Variants in HHLA1 observed in about 807,000 individuals in gnomAD.
HHLA1 encodes HERV-H LTR-associating protein 1.
Under a neutral mutation model 69.9 loss-of-function variants are expected in HHLA1, and 72 were observed. The ratio of observed to expected loss-of-function variants is 1.03; its 90% CI spans 0.85 to 1.25. The LOEUF (loss-of-function observed/expected upper bound fraction) is 1.25, where lower values mean the gene tolerates loss of function less well. Ranked by LOEUF, HHLA1 falls within the 50% of genes most tolerant of loss-of-function variation. HHLA1 has a pLI of 0.00. For synonymous variants in HHLA1, 252 were observed against 233.2 expected, an observed-to-expected ratio of 1.08 and a Z score of -0.73; for missense variants, 685 against 642.2, an observed-to-expected ratio of 1.07 and a Z score of -0.72.
intron 10 of HHLA1, among the ~76,000 whole-genome samples, chr8:132,085,039 T>C (rs951225485): frequency 2.7e-5 from 4 of 150,094 alleles, no homozygotes; most frequent in Non-Finnish European, 4.4e-5. Flanking sequence ...AGAGAAGGGG[T>C]AGAGACAAGG....
chr8:132,089,081 A>G (rs1313323326), intron 8 of HHLA1, among the ~76,000 whole-genome samples: 2 of 152,204 alleles, frequency 1.3e-5, no homozygotes, highest in East Asian at 3.8e-4. Flanking sequence ...ACATGAAACC[A>G]CCTTATAAAT....
intron 1 of HHLA1, among the ~76,000 whole-genome samples, chr8:132,107,787 G>A (rs1232205309): frequency 6.6e-6 from 1 of 152,124 alleles, no homozygotes; most frequent in Non-Finnish European, 1.5e-5. Context: ...TGAGATAACA[G>A]TGAATAATAT....
rs374889625 is a variant in HHLA1 at position 132,092,031 on chromosome 8, A to G, written c.449-2432T>C. Among the ~76,000 whole-genome samples the G allele has an allele frequency of 4.6e-5, 7 of 152,242 alleles. No homozygotes were observed. The East Asian group carries it at 7.7e-4, about 17-fold the overall frequency. ...AGACAAATTAAATAAATCATGGTAC[A>G]TTCTTTCAATGAATACTAAGAATTC... On this transcript the variant is annotated intron_variant, in intron 7 of 16. Transcript: ENST00000414222.
intron 5 of HHLA1, among the ~76,000 whole-genome samples, chr8:132,096,952 G>A (rs1230305874): frequency 1.3e-5 from 2 of 152,094 alleles, no homozygotes; most frequent in Non-Finnish European, 2.9e-5. Context: ...TGGGATTATA[G>A]GCATGACCCA....
At chr8:132,071,627 C>A in intron 14 of HHLA1, 134 bp from the exon 15 acceptor site, 1 of 730,072 alleles carries the variant, frequency 1.4e-6, no homozygotes, top group South Asian at 2.0e-5. Flanking sequence ...GTAAACATAG[C>A]ATTCCTCACC....
rs185041793 is a variant in HHLA1, at chr8:132,077,632, G to A, written c.1171+94C>T. ...TATGTTTTCTTAGTTTTCTGTGTGT[G>A]TATTATATTCCAAAAATTTAGAAAG... On this transcript the variant is annotated intron_variant, in intron 12 of 16. Coordinates refer to ENST00000414222, the MANE Select transcript of HHLA1 (RefSeq NM_001145095.3). 8.7e-6 allele frequency: 11 copies of A among 1,263,884 alleles called. No homozygotes were observed. The Admixed American group carries it at 2.3e-4, about 26-fold the overall frequency. 78.3% of individuals were successfully genotyped at this position (1,263,884 alleles called of 1,614,324 possible).
intron 12 of HHLA1, 114 bp downstream of exon 12, chr8:132,077,610 GTT>G (rs1823666359): frequency 9.7e-7 from 1 of 1,029,784 alleles, no homozygotes; most frequent in Admixed American, 2.6e-5. Context: ...TGATCATTAT[GTT>G]TTCTTAGTTT....
At chr8:132,092,115 T>C (rs1245842971) in intron 7 of HHLA1, among the ~76,000 whole-genome samples, 1 of 152,122 alleles carries the variant, frequency 6.6e-6, no homozygotes, top group Non-Finnish European at 1.5e-5. Flanking sequence ...TTAAGACATA[T>C]GGGTTAGTTT....
intron 3 of HHLA1, among the ~76,000 whole-genome samples, chr8:132,103,489 C>T (rs574428449): frequency 2.0e-5 from 3 of 152,016 alleles, no homozygotes; most frequent in Non-Finnish European, 4.4e-5. Context: ...TGTGGTGGTA[C>T]ATGCCTGTGG....
In HHLA1 at chr8:132,089,606, G is replaced by A; in HGVS notation, c.449-7C>T. 7.3e-7 allele frequency: 1 copy of A among 1,361,256 alleles called. No individual in the cohort carries two copies. The highest frequency in any genetic ancestry group is 2.5e-5 in the East Asian group (1 of 40,206). The allele number at this position is 1,361,256 out of a possible 1,614,324, so 84.3% of individuals were successfully genotyped here. ...ACCAGTAGAGCTGTAAAATCTGCAAGACAAATTTAGGAGGTTTAAATTTCT... is the reference window on the plus strand; with the variant it reads ...ACCAGTAGAGCTGTAAAATCTGCAAAACAAATTTAGGAGGTTTAAATTTCT... On this transcript the variant is annotated splice_region_variant and splice_polypyrimidine_tract_variant and intron_variant, in intron 7 of 16. Transcript: ENST00000414222.
At chr8:132,108,359 C>T (rs760207227) in intron 1 of HHLA1, among the ~76,000 whole-genome samples, 2 of 152,148 alleles carry the variant, frequency 1.3e-5, no homozygotes, top group Non-Finnish European at 2.9e-5. Flanking sequence ...GATGTTGGTA[C>T]TCCAATAGTA....
At chr8:132,101,461 G>T (rs1021494152) in intron 3 of HHLA1, among the ~76,000 whole-genome samples, 1 of 152,054 alleles carries the variant, frequency 6.6e-6, no homozygotes, top group African/African-American at 2.4e-5. Context: ...AATCAGAAAA[G>T]AGCAATCTCA....
intron 8 of HHLA1, among the ~76,000 whole-genome samples, chr8:132,088,229 A>C (rs978886131): frequency 6.6e-6 from 1 of 152,206 alleles, no homozygotes; most frequent in African/African-American, 2.4e-5. Context: ...GTGAAAATTC[A>C]AATCCCACAA....
chr8:132,108,088 C>A (rs968683321), intron 1 of HHLA1, among the ~76,000 whole-genome samples: 6 of 152,180 alleles, frequency 3.9e-5, no homozygotes, highest in African/African-American at 1.2e-4. Context: ...ATAGTTGTTA[C>A]AAGCACAGAC....
intron 7 of HHLA1, among the ~76,000 whole-genome samples, chr8:132,090,729 C>T (rs1464541509): frequency 6.7e-6 from 1 of 149,786 alleles, no homozygotes; most frequent in Non-Finnish European, 1.5e-5. Context: ...AGAAGGTAGG[C>T]AAACATGGGC....
At chr8:132,073,675 C>G (rs1193435921) in intron 14 of HHLA1, among the ~76,000 whole-genome samples, 2 of 152,144 alleles carry the variant, frequency 1.3e-5, no homozygotes, top group African/African-American at 4.8e-5. Flanking sequence ...AATTAACATT[C>G]CCAAGGCTTG....
chr8:132,090,308 A>G (rs1823927255), intron 7 of HHLA1, among the ~76,000 whole-genome samples: 1 of 152,190 alleles, frequency 6.6e-6, no homozygotes, highest in Non-Finnish European at 1.5e-5. Context: ...AACAGCTGTC[A>G]TCTCCTTCTT....
chr8:132,077,631 T>G (rs568218670), intron 12 of HHLA1, 95 bp downstream of exon 12: 2 of 1,224,340 alleles, frequency 1.6e-6, no homozygotes, highest in South Asian at 1.5e-5. Flanking sequence ...TTTCTGTGTG[T>G]GTATTATATT....
intron 3 of HHLA1, 21 bp from the exon 4 acceptor site, chr8:132,100,155 A>G: frequency 6.6e-7 from 1 of 1,523,408 alleles, no homozygotes; most frequent in South Asian, 1.2e-5. Flanking sequence ...GACAGTTTTC[A>G]TGAGAAAAAT....
Sources: allele counts gnomAD v4.1 joint callset (sites outside exome capture counted in the v4.1 genomes callset), GRCh38; gene constraint gnomAD v4.1.1; transcripts MANE v1.5; gene names NCBI Gene and HGNC (gene_info 2026-07-23, HGNC 2026-07-21).